The following MARCHF3 variants were observed in gnomAD, a reference collection of about 807,000 sequenced individuals.
MARCHF3 encodes the protein E3 ubiquitin-protein ligase MARCHF3.
In MARCHF3, 13 loss-of-function variants were observed where a neutral mutation model predicts 24.2. That is an observed-to-expected ratio of 0.54 (90% confidence interval 0.35 to 0.85). The LOEUF (loss-of-function observed/expected upper bound fraction) is 0.85. Among genes scored for constraint, MARCHF3 ranks in the 40% least tolerant of loss-of-function variants. The pLI, the probability that MARCHF3 is intolerant of heterozygous loss-of-function variation, is 0.01. For synonymous variants in MARCHF3, 144 were observed against 137.3 expected (o/e 1.05, Z -0.34); for missense variants, 276 against 325.0 (o/e 0.85, Z 1.16).
intron 1 of MARCHF3, among the ~76,000 whole-genome samples, chr5:126,946,118 C>G (rs1250403380): frequency 6.6e-6 from 1 of 152,046 alleles, no homozygotes; most frequent in Non-Finnish European, 1.5e-5. Flanking sequence ...CACCTGCAAT[C>G]CCAGCACTTT....
intron 1 of MARCHF3, among the ~76,000 whole-genome samples, chr5:126,942,090 T>C (rs376303896): frequency 5.9e-5 from 9 of 152,324 alleles, no homozygotes; most frequent in African/African-American, 1.9e-4. Context: ...TTTAATCACA[T>C]TGTAACTTTT....
At position 126,952,363 on chromosome 5, in the gene MARCHF3, T is replaced by G. The variant is rs148149811; in HGVS notation, c.-56-34136A>C. Among the ~76,000 whole-genome samples, 278 of 152,308 alleles carry G rather than the reference T, an allele frequency of 1.8e-3. 2 individuals carry two copies. Among genetic ancestry groups the G allele is most frequent in the Middle Eastern group, 6.8e-3 (2 of 294 alleles). Reference sequence around the variant, plus strand: ...TTCAAAATTTATAAAGGTAGTATATTCTCATAATAATGCAAATTCACTCAT... The same window carrying G: ...TTCAAAATTTATAAAGGTAGTATATGCTCATAATAATGCAAATTCACTCAT... On this transcript the variant is annotated intron_variant, in intron 1 of 4. Transcript: ENST00000308660.
intron 1 of MARCHF3, among the ~76,000 whole-genome samples, chr5:126,984,120 C>T (rs1751483520): frequency 6.6e-6 from 1 of 152,016 alleles, no homozygotes; most frequent in African/African-American, 2.4e-5. Flanking sequence ...CCTGGATTTC[C>T]AAGGGCATGG....
At chr5:126,928,648 T>C (rs1460946266) in intron 1 of MARCHF3, among the ~76,000 whole-genome samples, 1 of 152,186 alleles carries the variant, frequency 6.6e-6, no homozygotes, top group Non-Finnish European at 1.5e-5. Context: ...TGATAGTAAA[T>C]CCACATATAT....
At chr5:126,888,781 T>C (rs1343760984) in intron 3 of MARCHF3, among the ~76,000 whole-genome samples, 5 of 152,234 alleles carry the variant, frequency 3.3e-5, no homozygotes, top group Admixed American at 3.3e-4. Flanking sequence ...TTTTCTTTTT[T>C]TGAGATGGAG....
At chr5:126,971,226 G>A (rs1750997628) in intron 1 of MARCHF3, among the ~76,000 whole-genome samples, 1 of 151,990 alleles carries the variant, frequency 6.6e-6, no homozygotes. Context: ...GAGGCGGGCA[G>A]ATCATGAGGT....
intron 1 of MARCHF3, among the ~76,000 whole-genome samples, chr5:126,948,391 G>A (rs1452687781): frequency 1.3e-5 from 2 of 152,160 alleles, no homozygotes; most frequent in African/African-American, 2.4e-5. Flanking sequence ...GTTCAAACTC[G>A]TGTTATTCAA....
intron 1 of MARCHF3, among the ~76,000 whole-genome samples, chr5:126,988,411 A>T (rs1261935695): frequency 6.6e-6 from 1 of 152,238 alleles, no homozygotes; most frequent in Non-Finnish European, 1.5e-5. Context: ...TTCACCACTC[A>T]TATCTAAAAA....
intron 1 of MARCHF3, among the ~76,000 whole-genome samples, chr5:126,940,649 G>T (rs752382472): frequency 1.3e-5 from 2 of 151,944 alleles, no homozygotes; most frequent in African/African-American, 4.8e-5. Flanking sequence ...GTTTCTCCAT[G>T]TTGGCCAGGT....
intron 1 of MARCHF3, among the ~76,000 whole-genome samples, chr5:127,016,289 CA>C (rs1407815151): frequency 1.3e-5 from 2 of 151,936 alleles, no homozygotes; most frequent in African/African-American, 4.8e-5. Flanking sequence ...GTATTGTACA[CA>C]AAAAAATTTA....
intron 1 of MARCHF3, among the ~76,000 whole-genome samples, chr5:127,002,480 T>C (rs1752161287): frequency 6.6e-6 from 1 of 152,102 alleles, no homozygotes; most frequent in Admixed American, 6.5e-5. Flanking sequence ...AACTTACACA[T>C]ATAAAAGATC....
chr5:126,990,147 T>C (rs1008984116), intron 1 of MARCHF3, among the ~76,000 whole-genome samples: 27 of 144,232 alleles, frequency 1.9e-4, no homozygotes, highest in South Asian at 4.7e-4. Context: ...CTTCAAACTA[T>C]ACTACAAGGC....
chr5:126,870,609 A>T lies in MARCHF3; in HGVS notation c.*24T>A. On this transcript the variant is annotated 3_prime_UTR_variant, in exon 5 of 5. Coordinates refer to ENST00000308660, the MANE Select transcript of MARCHF3 (RefSeq NM_178450.5). ...CTTCCAAACCCCAAACAATGAATCA[A>T]ACAACCAACCAACCATACAAACATC... 6.6e-7 allele frequency: 1 copy of T among 1,513,784 alleles called. No homozygotes were observed. The highest frequency in any genetic ancestry group is 2.3e-5 in the African/African-American group (1 of 43,918). The allele number at this position is 1,513,784 out of a possible 1,614,324, so 93.8% of individuals were successfully genotyped here. A position where few individuals can be genotyped will look rare whatever the true frequency, so the allele number is the denominator to read the frequency against.
intron 3 of MARCHF3, among the ~76,000 whole-genome samples, chr5:126,889,673 T>C (rs1753615280): frequency 6.6e-6 from 1 of 152,164 alleles, no homozygotes; most frequent in African/African-American, 2.4e-5. Context: ...TATAGTCCAA[T>C]GTTTTGCTGC....
intron 1 of MARCHF3, among the ~76,000 whole-genome samples, chr5:126,994,681 C>T (rs1751886733): frequency 6.6e-6 from 1 of 152,134 alleles, no homozygotes; most frequent in Admixed American, 6.5e-5. Context: ...AGGTACAGAA[C>T]TAACAGGATA....
chr5:126,985,004 G>A (rs912349026), intron 1 of MARCHF3, among the ~76,000 whole-genome samples: 10 of 152,080 alleles, frequency 6.6e-5, no homozygotes, highest in African/African-American at 1.7e-4. Context: ...GAGGAATAAC[G>A]AAAAATTGAG....
At chr5:126,899,360 TTACCAATC>T in intron 3 of MARCHF3, 1 of 949,438 alleles carries the variant, frequency 1.1e-6, no homozygotes, top group Non-Finnish European at 1.3e-6. Context: ...AAAATAAGGT[TTACCAATC>T]TGAATTATCT....
intron 3 of MARCHF3, among the ~76,000 whole-genome samples, chr5:126,906,298 C>G (rs1754294058): frequency 6.6e-6 from 1 of 152,116 alleles, no homozygotes; most frequent in East Asian, 1.9e-4. Context: ...GTGTCTCTGT[C>G]AGGCTTTGGT....
chr5:126,937,350 A>T (rs1749679286), intron 1 of MARCHF3, among the ~76,000 whole-genome samples: 1 of 152,232 alleles, frequency 6.6e-6, no homozygotes, highest in African/African-American at 2.4e-5. Context: ...CTTTTTAACA[A>T]GAAAGATGCC....
Sources: gnomAD v4.1 joint callset for allele counts (sites outside exome capture counted in the v4.1 genomes callset) on GRCh38, gnomAD v4.1.1 for gene constraint, MANE v1.5 for transcripts, NCBI Gene and HGNC (gene_info 2026-07-23, HGNC 2026-07-21) for gene names.